Variants in CLTC observed in about 807,000 individuals in gnomAD.
The protein encoded by CLTC is clathrin heavy chain 1.
A neutral mutation model predicts 195.8 loss-of-function variants in CLTC; 16 were observed. That is an observed-to-expected ratio of 0.08 (90% CI 0.06 to 0.12). CLTC has a LOEUF of 0.12. Among genes scored for constraint, CLTC ranks in the 10% least tolerant of loss-of-function variants. The pLI is 1.00. For missense variants in CLTC, 796 were observed against 2,027.0 expected (o/e 0.39, Z 11.66); for synonymous variants, 667 against 689.4 (o/e 0.97, Z 0.51).
intron 1 of CLTC, among the ~76,000 whole-genome samples, chr17:59,642,672 A>G (rs1191529478): frequency 6.6e-6 from 1 of 152,204 alleles, no homozygotes; most frequent in Non-Finnish European, 1.5e-5. Flanking sequence ...TAAGTTACAT[A>G]CTTTAAAGCT....
intron 14 of CLTC, among the ~76,000 whole-genome samples, chr17:59,673,446 G>T (rs1188877294): frequency 6.6e-6 from 1 of 152,156 alleles, no homozygotes. Context: ...GTATCTTGCT[G>T]TGTGAATCTA....
chr17:59,646,360 C>A (rs984861210), intron 2 of CLTC, among the ~76,000 whole-genome samples: 4 of 152,150 alleles, frequency 2.6e-5, no homozygotes, highest in African/African-American at 9.7e-5. Context: ...GGTTTACATA[C>A]TGTGTGGGAT....
chr17:59,677,581 T>G (rs1329144043), intron 17 of CLTC, among the ~76,000 whole-genome samples: 1 of 152,196 alleles, frequency 6.6e-6, no homozygotes, highest in Non-Finnish European at 1.5e-5. Flanking sequence ...ATTAACCACA[T>G]GAAAGATACC....
intron 1 of CLTC, among the ~76,000 whole-genome samples, chr17:59,630,901 C>T (rs1345801465): frequency 6.6e-6 from 1 of 152,188 alleles, no homozygotes; most frequent in Non-Finnish European, 1.5e-5. Context: ...GTTGTCAGTT[C>T]TTCTAGATAT....
Position 59,620,059 on chromosome 17 carries a change from C to G in CLTC, c.-73C>G. The stretch of plus-strand genomic sequence containing the variant: ...CTCCCCCCTCCCCTTCTCCTCCTCT[C>G]CCTTGGAGAGCCCGGGCAGCCACTG... On this transcript the variant is annotated 5_prime_UTR_variant, in exon 1 of 32. Transcript: ENST00000269122. The G allele has an allele frequency of 6.9e-7, 1 of 1,459,048 alleles. No individual in the cohort carries two copies. The highest frequency in any genetic ancestry group is 9.6e-7 in the Non-Finnish European group (1 of 1,042,728). 90.4% of individuals were successfully genotyped at this position (1,459,048 alleles called of 1,614,324 possible). A position where few individuals can be genotyped will look rare whatever the true frequency, so the allele number is the denominator to read the frequency against.
At chr17:59,635,501 A>C (rs1567932015) in intron 1 of CLTC, among the ~76,000 whole-genome samples, 1 of 152,158 alleles carries the variant, frequency 6.6e-6, no homozygotes, top group Admixed American at 6.5e-5. Context: ...TACTCCTTTA[A>C]TTATGTGGCG....
intron 9 of CLTC, among the ~76,000 whole-genome samples, chr17:59,664,308 T>G (rs761016482): frequency 3.3e-5 from 5 of 152,008 alleles, no homozygotes; most frequent in Non-Finnish European, 7.4e-5. Flanking sequence ...TCCCAGCACT[T>G]TGGGAGGCCA....
At chr17:59,661,691 T>C (rs767066683) in intron 8 of CLTC, 48 bp downstream of exon 8, 1 of 1,535,994 alleles carries the variant, frequency 6.5e-7, no homozygotes, top group East Asian at 2.3e-5. Flanking sequence ...GCATTAAATA[T>C]GATATTGGCA....
intron 1 of CLTC, among the ~76,000 whole-genome samples, chr17:59,633,903 C>T (rs886456171): frequency 6.6e-6 from 1 of 152,058 alleles, no homozygotes; most frequent in African/African-American, 2.4e-5. Flanking sequence ...GCTAAGTCAG[C>T]AATAAGTATT....
At chr17:59,654,367 A>G (rs947271215) in intron 5 of CLTC, among the ~76,000 whole-genome samples, 34 of 147,452 alleles carry the variant, frequency 2.3e-4, no homozygotes, top group African/African-American at 8.6e-4. Flanking sequence ...TAGTAGAGAC[A>G]GGGCTTCACC....
chr17:59,621,331 C>G (rs1253040130), intron 1 of CLTC, among the ~76,000 whole-genome samples: 1 of 152,222 alleles, frequency 6.6e-6, no homozygotes, highest in Non-Finnish European at 1.5e-5. Flanking sequence ...TTAAAGAAAC[C>G]TGCCTCAGCT....
intron 6 of CLTC, chr17:59,658,896 G>T (rs1423244780): frequency 2.0e-5 from 3 of 152,152 alleles, no homozygotes; most frequent in Non-Finnish European, 4.4e-5. Flanking sequence ...GAGGATGGAG[G>T]TCGGACCTAT....
chr17:59,625,572 T>C (rs1301630126), intron 1 of CLTC, among the ~76,000 whole-genome samples: 3 of 152,156 alleles, frequency 2.0e-5, no homozygotes, highest in Admixed American at 1.3e-4. Context: ...CTCAGCACTT[T>C]GTGAGCCAAG....
intron 2 of CLTC, among the ~76,000 whole-genome samples, chr17:59,645,064 T>G (rs1221341679): frequency 1.3e-5 from 2 of 152,246 alleles, no homozygotes; most frequent in Non-Finnish European, 2.9e-5. Context: ...AAATTTTGTA[T>G]CTGGTATAAA....
chr17:59,675,428 T>A (rs946701952), intron 16 of CLTC, among the ~76,000 whole-genome samples: 18 of 152,300 alleles, frequency 1.2e-4, no homozygotes, highest in African/African-American at 4.3e-4. Flanking sequence ...GAAGTACTGA[T>A]GTAAATGAGT....
At position 59,648,497 on chromosome 17, in the gene CLTC, C is replaced by T; in HGVS notation, c.681+96C>T. ...AATTTCAAAATAGCCTTCTCCCTTC[C>T]TAAGTAATTTTAGTATTCACATTTG... is the stretch of plus-strand genomic sequence containing the variant. On this transcript the variant is annotated intron_variant, in intron 4 of 31. Coordinates refer to ENST00000269122, the MANE Select transcript of CLTC (RefSeq NM_004859.4). This position sits in a 1 kb window ranked among gnomAD's most constrained non-coding sequence, Gnocchi z 4.5. The T allele has an allele frequency of 8.4e-7, 1 of 1,192,848 alleles. No homozygotes were observed. The highest frequency in any genetic ancestry group is 1.6e-5 in the South Asian group (1 of 62,640). The allele number at this position is 1,192,848 out of a possible 1,614,324, so 73.9% of individuals were successfully genotyped here. A position where few individuals can be genotyped will look rare whatever the true frequency, so the allele number is the denominator to read the frequency against.
In CLTC at chr17:59,685,505, G is replaced by T; in HGVS notation, c.4606-82G>T. 8.0e-7 allele frequency: 1 copy of T among 1,244,980 alleles called. No individual in the cohort carries two copies. Among genetic ancestry groups the T allele is most frequent in the South Asian group, 1.4e-5 (1 of 68,998 alleles). The allele number at this position is 1,244,980 out of a possible 1,614,324, so 77.1% of individuals were successfully genotyped here. On this transcript the variant is annotated intron_variant, in intron 29 of 31. Coordinates refer to ENST00000269122, the MANE Select transcript of CLTC (RefSeq NM_004859.4). The surrounding 1 kb of genome is among the most constrained non-coding windows in gnomAD (Gnocchi z 5.0). ...CCCTTGCAAAACCAGATTTATATTG[G>T]AAAGTTTCCATTGTTTTTCTTGGTT...
Position 59,666,253 on chromosome 17 carries a change from A to G in CLTC, c.1782+13A>G. ...GCATGCGCCTCAAGTATGTGTTTTA[A>G]TGCTTTTTAGGCATGTTTCCAACAT... On this transcript the variant is annotated intron_variant, in intron 11 of 31. Coordinates refer to ENST00000269122, the MANE Select transcript of CLTC (RefSeq NM_004859.4). The surrounding 1 kb of genome is among the most constrained non-coding windows in gnomAD (Gnocchi z 4.9). 6.2e-7 allele frequency: 1 copy of G among 1,611,408 alleles called. No homozygotes were observed. The highest frequency in any genetic ancestry group is 8.5e-7 in the Non-Finnish European group (1 of 1,177,830).
Position 59,695,704 on chromosome 17 carries a change from T to TA in CLTC, c.*1854dup, listed in dbSNP as rs2033404121. ...ACCTATTTAGTTTCATCCAGGACAT[T>TA]AAGTGAAAGTGTTTAATGTGAGTGC... On this transcript the variant is annotated 3_prime_UTR_variant, in exon 32 of 32. Coordinates refer to ENST00000269122, the MANE Select transcript of CLTC (RefSeq NM_004859.4). 1 of 191,058 alleles carries TA rather than the reference T, an allele frequency of 5.2e-6. No individual in the cohort carries two copies. The highest frequency in any genetic ancestry group is 6.1e-5 in the Admixed American group (1 of 16,298). 11.8% of individuals were successfully genotyped at this position (191,058 alleles called of 1,614,324 possible).
Sources: gnomAD v4.1 joint callset for allele counts (sites outside exome capture counted in the v4.1 genomes callset) on GRCh38, gnomAD v4.1.1 for gene constraint, Gnocchi (gnomAD v3.1) non-coding constraint, MANE v1.5 for transcripts, NCBI Gene and HGNC (gene_info 2026-07-23, HGNC 2026-07-21) for gene names.